The following SLC9A9 variants were observed in gnomAD, a reference collection of about 807,000 sequenced individuals.
SLC9A9 encodes the protein solute carrier family 9 member A9, also known as sodium/hydrogen exchanger 9.
SLC9A9 carries 62 observed loss-of-function variants against 77.8 expected under a neutral mutation model. The ratio of observed to expected loss-of-function variants is 0.80; its 90% CI spans 0.65 to 0.98. SLC9A9 has a LOEUF of 0.98. Ranked by LOEUF, SLC9A9 falls within the 50% of genes least tolerant of loss-of-function variation. SLC9A9 has a pLI of 0.00. For missense variants in SLC9A9, 775 were observed against 774.9 expected (o/e 1.00, Z 0.00); for synonymous variants, 320 against 283.5 (o/e 1.13, Z -1.29).
At position 143,336,787 on chromosome 3, in the gene SLC9A9, G is replaced by A. The variant is rs189688769; in HGVS notation, c.1604+26697C>T. On this transcript the variant is annotated intron_variant, in intron 14 of 15. Transcript: ENST00000316549. ...ATGGGTATAGAGTTTCAGTTTTACA[G>A]GATAAAAAAGTTCTAGAGATCGGTT... 7.2e-5 allele frequency among the ~76,000 whole-genome samples: 11 copies of A among 152,188 alleles called. No individual in the cohort carries two copies. The East Asian group carries it at 2.1e-3, about 29-fold the overall frequency.
At chr3:143,771,568 AC>A (rs987047510) in intron 4 of SLC9A9, among the ~76,000 whole-genome samples, 3 of 152,192 alleles carry the variant, frequency 2.0e-5, no homozygotes, top group Non-Finnish European at 4.4e-5. Flanking sequence ...ACAGCTAAAG[AC>A]GCTGAATGGG....
Position 143,796,859 on chromosome 3 carries a change from T to G in SLC9A9, c.423A>C (p.Pro141=). Residue 141 remains proline (P), a synonymous_variant, in exon 3 of 16, where the codon CCA becomes CCC. Transcript: ENST00000316549. ...GACTATATCCTGCATGAAATATAATTGGTGGCAGTAAAACATTGAAGAAGA... is the reference window on the plus strand; with the variant it reads ...GACTATATCCTGCATGAAATATAATGGGTGGCAGTAAAACATTGAAGAAGA... ...PEIFFNVLLP[P]IIFHAGYSLK... The G allele has an allele frequency of 6.2e-7, 1 of 1,612,114 alleles. No individual in the cohort carries two copies. Among genetic ancestry groups the G allele is most frequent in the Non-Finnish European group, 8.5e-7 (1 of 1,178,702 alleles).
chr3:143,718,238 C>A lies in SLC9A9; in HGVS notation c.534-24931G>T, dbSNP rs181390273. Among the ~76,000 whole-genome samples, 159 of 152,242 alleles carry A rather than the reference C, an allele frequency of 1.0e-3. 1 individual carries two copies. The highest frequency in any genetic ancestry group is 3.7e-3 in the African/African-American group (154 of 41,548). On this transcript the variant is annotated intron_variant, in intron 4 of 15. Coordinates refer to ENST00000316549, the MANE Select transcript of SLC9A9 (RefSeq NM_173653.4). Reference sequence around the variant, plus strand: ...TGAAATAACCCCTTTTTCCTCTTTGCAATCTTTGGATGTGCAAACTCACCT... The same window carrying A: ...TGAAATAACCCCTTTTTCCTCTTTGAAATCTTTGGATGTGCAAACTCACCT...
intron 4 of SLC9A9, among the ~76,000 whole-genome samples, chr3:143,730,623 G>T (rs1320772548): frequency 6.6e-6 from 1 of 152,136 alleles, no homozygotes; most frequent in African/African-American, 2.4e-5. Flanking sequence ...TGTGTTAAAT[G>T]ACTTTTCATA....
rs746830939 is a variant in SLC9A9 at position 143,266,038 on chromosome 3, G to A, written c.*664C>T. The A allele has an allele frequency of 8.5e-6, 6 of 702,284 alleles. No individual in the cohort carries two copies. In the East Asian group the frequency reaches 1.1e-4, roughly 13 times the overall value. 43.5% of individuals were successfully genotyped at this position (702,284 alleles called of 1,614,324 possible). ...AAGCTTGAAAGTGGTGCTGCATTTA[G>A]GGCAGGGCACACCCAGCCATAGGCA... On this transcript the variant is annotated 3_prime_UTR_variant, in exon 16 of 16. Coordinates refer to ENST00000316549, the MANE Select transcript of SLC9A9 (RefSeq NM_173653.4).
intron 15 of SLC9A9, among the ~76,000 whole-genome samples, chr3:143,267,295 T>C (rs1280664587): frequency 6.6e-6 from 1 of 152,094 alleles, no homozygotes; most frequent in Non-Finnish European, 1.5e-5. Context: ...TCATGTTGGT[T>C]TTGTAACATT....
intron 1 of SLC9A9, among the ~76,000 whole-genome samples, chr3:143,841,738 C>T (rs1051082931): frequency 2.0e-5 from 1 of 49,238 alleles, no homozygotes; most frequent in African/African-American, 6.1e-5. Context: ...GTTTACTTAT[C>T]CAAAATATAG....
intron 4 of SLC9A9, among the ~76,000 whole-genome samples, chr3:143,770,981 A>T (rs2007497454): frequency 6.6e-6 from 1 of 152,212 alleles, no homozygotes; most frequent in South Asian, 2.1e-4. Flanking sequence ...CTATGTAACA[A>T]ACATGCACAT....
chr3:143,418,825 C>A (rs1385521859), intron 12 of SLC9A9, among the ~76,000 whole-genome samples: 4 of 152,012 alleles, frequency 2.6e-5, no homozygotes, highest in Admixed American at 2.6e-4. Flanking sequence ...ATCCAGCAGC[C>A]CAGGTGCTGG....
intron 4 of SLC9A9, among the ~76,000 whole-genome samples, chr3:143,789,477 G>A (rs184306975): frequency 1.8e-3 from 280 of 152,238 alleles, no homozygotes; most frequent in African/African-American, 6.5e-3. Flanking sequence ...TAGAAACCCT[G>A]TTCTAAATCA....
chr3:143,588,610 G>A lies in SLC9A9; in HGVS notation c.756-9887C>T, dbSNP rs114661876. Among the ~76,000 whole-genome samples, 476 of 152,296 alleles carry A rather than the reference G, an allele frequency of 3.1e-3. 2 individuals carry two copies. The highest frequency in any genetic ancestry group is 9.8e-3 in the African/African-American group (408 of 41,564). On this transcript the variant is annotated intron_variant, in intron 6 of 15. Coordinates refer to ENST00000316549, the MANE Select transcript of SLC9A9 (RefSeq NM_173653.4). ...TATATGTGCATTTTCTTTGAAAAGA[G>A]ATCTTAAATTACTTTCCAATTTAGC... is the stretch of plus-strand genomic sequence containing the variant.
intron 9 of SLC9A9, among the ~76,000 whole-genome samples, chr3:143,529,595 C>T (rs2108620081): frequency 6.6e-6 from 1 of 152,248 alleles, no homozygotes; most frequent in South Asian, 2.1e-4. Flanking sequence ...TTGAGAAGAA[C>T]TGTAACAAAG....
chr3:143,824,018 T>C (rs892624412), intron 2 of SLC9A9, among the ~76,000 whole-genome samples: 1 of 152,160 alleles, frequency 6.6e-6, no homozygotes, highest in Admixed American at 6.5e-5. Context: ...CAAACGCATT[T>C]CACTGGTGGG....
At chr3:143,293,190 T>C (rs1210252320) in intron 14 of SLC9A9, among the ~76,000 whole-genome samples, 1 of 152,192 alleles carries the variant, frequency 6.6e-6, no homozygotes, top group East Asian at 1.9e-4. Context: ...GTCTGCAAGA[T>C]TCCTCCTGCA....
At chr3:143,511,108 C>T (rs2036109007) in intron 9 of SLC9A9, among the ~76,000 whole-genome samples, 1 of 152,206 alleles carries the variant, frequency 6.6e-6, no homozygotes, top group Non-Finnish European at 1.5e-5. Context: ...GCAATTCTCG[C>T]ACTTTCATCA....
Position 143,712,532 on chromosome 3 carries a change from C to A in SLC9A9, c.534-19225G>T, listed in dbSNP as rs115450375. ...ACTATTACAATCCAGTGTAGAAGGCCATTTTCTAGCTCTTTGACCCTAGGC... is the reference window on the plus strand; with the variant it reads ...ACTATTACAATCCAGTGTAGAAGGCAATTTTCTAGCTCTTTGACCCTAGGC... On this transcript the variant is annotated intron_variant, in intron 4 of 15. Transcript: ENST00000316549. Among the ~76,000 whole-genome samples, 342 of 152,232 alleles carry A rather than the reference C, an allele frequency of 2.2e-3. 1 individual carries two copies. Among genetic ancestry groups the A allele is most frequent in the African/African-American group, 7.6e-3 (317 of 41,548 alleles).
chr3:143,454,538 G>A (rs540070371), intron 12 of SLC9A9, among the ~76,000 whole-genome samples: 47 of 152,044 alleles, frequency 3.1e-4, no homozygotes, highest in African/African-American at 1.0e-3. Flanking sequence ...TTTGGCCTAC[G>A]GATATTGTAT....
At chr3:143,807,641 A>G (rs1449511986) in intron 2 of SLC9A9, among the ~76,000 whole-genome samples, 2 of 152,210 alleles carry the variant, frequency 1.3e-5, no homozygotes, top group East Asian at 3.8e-4. Context: ...GCTACTTGGG[A>G]GGCTGAGGCA....
intron 4 of SLC9A9, among the ~76,000 whole-genome samples, chr3:143,729,971 G>C (rs1319255759): frequency 6.6e-6 from 1 of 152,204 alleles, no homozygotes; most frequent in East Asian, 1.9e-4. Context: ...TGTTATGTGT[G>C]TGCTTTCCCT....
Sources: allele counts gnomAD v4.1 joint callset (sites outside exome capture counted in the v4.1 genomes callset), GRCh38; gene constraint gnomAD v4.1.1; transcripts MANE v1.5; gene names NCBI Gene and HGNC (gene_info 2026-07-23, HGNC 2026-07-21).